The following GPHN variants were observed in gnomAD, a reference collection of about 807,000 sequenced individuals.
GPHN encodes the protein gephyrin.
GPHN carries 17 observed loss-of-function variants against 95.5 expected under a neutral mutation model. That is an observed-to-expected ratio of 0.18 (90% CI 0.12 to 0.27). The LOEUF is 0.27. GPHN is among the 10% of genes least tolerant of loss of function. The pLI is 1.00. For synonymous variants in GPHN, 320 were observed against 322.5 expected (o/e 0.99, Z 0.08); for missense variants, 660 against 978.1 (o/e 0.67, Z 4.34).
At chr14:67,043,362 TGG>T (rs1842597447) in intron 10 of GPHN, among the ~76,000 whole-genome samples, 1 of 152,208 alleles carries the variant, frequency 6.6e-6, no homozygotes, top group Non-Finnish European at 1.5e-5. Flanking sequence ...ATATTGGCTG[TGG>T]GCTTGTCATA....
the GPHN span, among the ~76,000 whole-genome samples, chr14:67,427,286 T>G: frequency 6.6e-6 from 1 of 152,124 alleles, no homozygotes; most frequent in East Asian, 1.9e-4. Context: ...AGAGAAAAAC[T>G]TCTGCCCAGT....
At chr14:67,201,685 T>C in the GPHN span, 515 of 368,490 alleles carry the variant, frequency 1.4e-3, 7 homozygotes, top group East Asian at 0.027. Context: ...TCATCATCCC[T>C]GAGCCATGAT....
In GPHN at chr14:67,142,623, C is replaced by G. The variant is rs575112417; in HGVS notation, c.1749-739C>G. Among the ~76,000 whole-genome samples, 10 of 152,334 alleles carry G rather than the reference C, an allele frequency of 6.6e-5. No homozygotes were observed. The East Asian group carries it at 1.7e-3, about 26-fold the overall frequency. On this transcript the variant is annotated intron_variant, in intron 17 of 22. Coordinates refer to ENST00000478722, the MANE Select transcript of GPHN (RefSeq NM_020806.5). Reference sequence around the variant, plus strand: ...TTGTCCTTTTCCCCCTACCTTTTCTCTTCCCAACATTATGAATACCTACTG... The same window carrying G: ...TTGTCCTTTTCCCCCTACCTTTTCTGTTCCCAACATTATGAATACCTACTG...
the GPHN span, chr14:67,695,487 G>T: frequency 1.4e-6 from 1 of 732,540 alleles, no homozygotes; most frequent in Non-Finnish European, 2.2e-6. Flanking sequence ...GCTGGACCTC[G>T]CCTCCAACCC....
intron 1 of GPHN, among the ~76,000 whole-genome samples, chr14:66,565,697 A>C: frequency 6.6e-6 from 1 of 152,222 alleles, no homozygotes; most frequent in East Asian, 1.9e-4. Flanking sequence ...AATGATTATT[A>C]CTGTCCTAAT....
intron 18 of GPHN, among the ~76,000 whole-genome samples, chr14:67,145,347 C>T (rs899597006): frequency 6.6e-6 from 1 of 152,196 alleles, no homozygotes; most frequent in African/African-American, 2.4e-5. Context: ...AAGGACAGAA[C>T]ACTTCTCAAC....
intron 11 of GPHN, among the ~76,000 whole-genome samples, chr14:67,062,435 A>G (rs190277008): frequency 6.6e-6 from 1 of 152,378 alleles, no homozygotes; most frequent in Admixed American, 6.5e-5. Flanking sequence ...TTGTAAGGAA[A>G]ATCTAGGACC....
At chr14:67,222,442 C>A in the GPHN span, among the ~76,000 whole-genome samples, 1 of 152,116 alleles carries the variant, frequency 6.6e-6, no homozygotes, top group African/African-American at 2.4e-5. Flanking sequence ...CAGGCGTTTG[C>A]CACCACGCCT....
intron 4 of GPHN, among the ~76,000 whole-genome samples, chr14:66,837,541 G>A (rs369446663): frequency 4.4e-4 from 61 of 139,038 alleles, no homozygotes; most frequent in East Asian, 2.4e-3. Flanking sequence ...ACATGTATAC[G>A]TATGTAACTA....
At chr14:67,686,522 C>T in the GPHN span, among the ~76,000 whole-genome samples, 2 of 151,788 alleles carry the variant, frequency 1.3e-5, no homozygotes, top group African/African-American at 4.8e-5. Context: ...ACCTGTAATC[C>T]CAGCTACTTG....
At chr14:66,833,406 T>C (rs1349541383) in intron 4 of GPHN, among the ~76,000 whole-genome samples, 1 of 152,042 alleles carries the variant, frequency 6.6e-6, no homozygotes, top group Non-Finnish European at 1.5e-5. Flanking sequence ...TCCCTCCCAT[T>C]ACACATAGAG....
intron 18 of GPHN, among the ~76,000 whole-genome samples, chr14:67,147,050 C>CA (rs202127847): frequency 0.012 from 1,836 of 151,878 alleles, 19 homozygotes; most frequent in Non-Finnish European, 0.018. Context: ...CAAAACAAAA[C>CA]AAAAAAAACT....
At chr14:67,621,013 C>G in the GPHN span, 1 of 1,557,160 alleles carries the variant, frequency 6.4e-7, no homozygotes. Context: ...AGTAATAGAC[C>G]ACTTCAGAGT....
At chr14:67,138,933 A>G (rs1415682937) in intron 17 of GPHN, among the ~76,000 whole-genome samples, 1 of 118,436 alleles carries the variant, frequency 8.4e-6, no homozygotes, top group African/African-American at 3.3e-5. Context: ...TTAAGAGACT[A>G]GGTCTAGGGC....
At chr14:66,635,102 G>A (rs1341586165) in intron 1 of GPHN, among the ~76,000 whole-genome samples, 1 of 152,164 alleles carries the variant, frequency 6.6e-6, no homozygotes, top group African/African-American at 2.4e-5. Flanking sequence ...TGTTGACAAT[G>A]TTCACATGTT....
chr14:66,996,255 C>T, intron 9 of GPHN: 4 of 1,229,892 alleles, frequency 3.3e-6, no homozygotes, highest in Non-Finnish European at 4.6e-6. Flanking sequence ...TGGTCAATAA[C>T]ATGCTCGCCC....
At chr14:66,661,113 A>G (rs566241369) in intron 1 of GPHN, among the ~76,000 whole-genome samples, 105 of 152,262 alleles carry the variant, frequency 6.9e-4, no homozygotes, top group Non-Finnish European at 1.1e-3. Flanking sequence ...TTGGACATCC[A>G]TATTTACCCC....
chr14:67,492,385 G>A, the GPHN span, among the ~76,000 whole-genome samples: 14 of 152,198 alleles, frequency 9.2e-5, no homozygotes, highest in African/African-American at 3.4e-4. Context: ...TCAGGCAGCG[G>A]CTGAGAGGCC....
chr14:67,725,872 T>C, the GPHN span, among the ~76,000 whole-genome samples: 1 of 152,202 alleles, frequency 6.6e-6, no homozygotes, highest in Non-Finnish European at 1.5e-5. Flanking sequence ...AGGATAGTTA[T>C]TGAGTGCTGA....
Sources: allele counts gnomAD v4.1 joint callset (sites outside exome capture counted in the v4.1 genomes callset), GRCh38; gene constraint gnomAD v4.1.1; transcripts MANE v1.5; gene names NCBI Gene and HGNC (gene_info 2026-07-23, HGNC 2026-07-21).